TET1: variants seen among roughly 807,000 people sequenced by gnomAD.
TET1 encodes the protein tet methylcytosine dioxygenase 1.
A neutral mutation model predicts 148.7 loss-of-function variants in TET1; 13 were observed. The observed-to-expected ratio is 0.09, with a 90% CI of 0.06 to 0.14. The LOEUF (loss-of-function observed/expected upper bound fraction) is 0.14. Ranked by LOEUF, TET1 falls within the 10% of genes least tolerant of loss-of-function variation. The pLI, the probability that TET1 is intolerant of heterozygous loss-of-function variation, is 1.00. For missense variants in TET1, 2,182 were observed against 2,553.8 expected (o/e 0.85, Z 3.14); for synonymous variants, 907 against 937.2 (o/e 0.97, Z 0.59).
rs2055616110 is a variant in TET1, at chr10:68,693,243, A to C, written c.*1429A>C. ...GCAAAACAAAAAGGATTACCCAAAC[A>C]ACATGTTTCGAACAAGGAGAATTTT... On this transcript the variant is annotated 3_prime_UTR_variant, in exon 12 of 12. Coordinates refer to ENST00000373644, the MANE Select transcript of TET1 (RefSeq NM_030625.3). 4.3e-6 allele frequency: 1 copy of C among 232,860 alleles called. No individual in the cohort carries two copies. Among genetic ancestry groups the C allele is most frequent in the African/African-American group, 2.2e-5 (1 of 45,364 alleles). 14.4% of individuals were successfully genotyped at this position (232,860 alleles called of 1,614,324 possible). A position where few individuals can be genotyped will look rare whatever the true frequency, so the allele number is the denominator to read the frequency against.
intron 3 of TET1, among the ~76,000 whole-genome samples, chr10:68,608,561 G>A (rs770526688): frequency 1.3e-5 from 2 of 152,008 alleles, no homozygotes; most frequent in Non-Finnish European, 2.9e-5. Context: ...TTGAGATGGA[G>A]TCTTGGTTTG....
At chr10:68,616,776 C>T (rs1166440736) in intron 3 of TET1, among the ~76,000 whole-genome samples, 8 of 150,598 alleles carry the variant, frequency 5.3e-5, no homozygotes, top group African/African-American at 1.7e-4. Context: ...GGCGCAATCT[C>T]GGCTCACGGC....
intron 6 of TET1, among the ~76,000 whole-genome samples, chr10:68,661,649 G>A (rs1386977163): frequency 2.0e-5 from 3 of 151,156 alleles, no homozygotes; most frequent in Non-Finnish European, 4.4e-5. Context: ...ATGCCAGCTA[G>A]TTTTCTGGGG....
chr10:68,686,984 T>C, intron 11 of TET1, among the ~76,000 whole-genome samples: 1 of 151,488 alleles, frequency 6.6e-6, no homozygotes, highest in Non-Finnish European at 1.5e-5. Context: ...GCCTCCTGGG[T>C]TCACGCCATT....
At chr10:68,668,041 AT>A (rs900256930) in intron 7 of TET1, among the ~76,000 whole-genome samples, 7 of 152,058 alleles carry the variant, frequency 4.6e-5, no homozygotes, top group Non-Finnish European at 1.0e-4. Context: ...GAATGAGAGT[AT>A]TTTTTTCACA....
At chr10:68,623,420 A>G (rs1264999513) in intron 3 of TET1, among the ~76,000 whole-genome samples, 2 of 152,200 alleles carry the variant, frequency 1.3e-5, no homozygotes, top group African/African-American at 4.8e-5. Flanking sequence ...ACAGCCTACT[A>G]CATACTGTTT....
chr10:68,626,321 A>C (rs1330299028), intron 3 of TET1, among the ~76,000 whole-genome samples: 2 of 150,788 alleles, frequency 1.3e-5, no homozygotes, highest in Non-Finnish European at 3.0e-5. Context: ...GGCTGGAGTA[A>C]GGTGGCATGA....
chr10:68,595,957 TATATAC>T (rs1228289935), intron 2 of TET1, among the ~76,000 whole-genome samples: 4,946 of 40,692 alleles, frequency 0.12, 450 homozygotes, highest in South Asian at 0.19. Flanking sequence ...TATATATATA[TATATAC>T]ACACACACAC....
At chr10:68,640,691 A>G (rs1006203230) in intron 3 of TET1, among the ~76,000 whole-genome samples, 2 of 150,078 alleles carry the variant, frequency 1.3e-5, no homozygotes, top group African/African-American at 4.9e-5. Flanking sequence ...AGCTGGGACT[A>G]CAGGCGCCTG....
intron 2 of TET1, among the ~76,000 whole-genome samples, chr10:68,593,359 G>T (rs2053940952): frequency 1.3e-5 from 2 of 151,652 alleles, no homozygotes; most frequent in African/African-American, 4.8e-5. Context: ...AACATTTTTG[G>T]ACCTGGGTTC....
At chr10:68,660,612 G>A (rs1746927820) in intron 6 of TET1, among the ~76,000 whole-genome samples, 1 of 151,012 alleles carries the variant, frequency 6.6e-6, no homozygotes, top group African/African-American at 2.4e-5. Flanking sequence ...AAAGTGCTGG[G>A]ATTACAGGTG....
At chr10:68,644,187 G>A (rs2054804306) in intron 3 of TET1, among the ~76,000 whole-genome samples, 1 of 150,906 alleles carries the variant, frequency 6.6e-6, no homozygotes, top group South Asian at 2.1e-4. Context: ...ACAGGCATGA[G>A]CCACCACCCC....
At chr10:68,614,990 C>T (rs538743660) in intron 3 of TET1, among the ~76,000 whole-genome samples, 62 of 151,636 alleles carry the variant, frequency 4.1e-4, no homozygotes, top group African/African-American at 1.3e-3. Context: ...GGCACTCCAA[C>T]GTGGTGTGAT....
At chr10:68,683,920 C>T (rs560290418) in intron 10 of TET1, among the ~76,000 whole-genome samples, 5 of 152,232 alleles carry the variant, frequency 3.3e-5, no homozygotes, top group South Asian at 2.1e-4. Context: ...TTAAGAAATA[C>T]GTAAATTAGG....
At chr10:68,600,912 AT>A in intron 2 of TET1, 68 bp from the exon 3 acceptor site, 1 of 1,423,998 alleles carries the variant, frequency 7.0e-7, no homozygotes, top group Admixed American at 2.0e-5. Flanking sequence ...ATAGCCAAAA[AT>A]TTTGGGGATG....
chr10:68,622,958 G>C (rs2054398609), intron 3 of TET1, among the ~76,000 whole-genome samples: 1 of 152,092 alleles, frequency 6.6e-6, no homozygotes, highest in Admixed American at 6.6e-5. Context: ...CAGGAGTCAG[G>C]TGCCCTGCTG....
At chr10:68,624,889 G>A (rs1288994933) in intron 3 of TET1, among the ~76,000 whole-genome samples, 4 of 151,022 alleles carry the variant, frequency 2.6e-5, no homozygotes, top group South Asian at 2.1e-4. Context: ...CCGCCATCAC[G>A]CCCAGCTAAT....
At chr10:68,664,294 G>A (rs560310277) in intron 6 of TET1, among the ~76,000 whole-genome samples, 16 of 151,830 alleles carry the variant, frequency 1.1e-4, no homozygotes, top group East Asian at 3.9e-4. Context: ...ATGTTGTGTC[G>A]TATATATTAT....
chr10:68,611,067 G>T (rs12261197), intron 3 of TET1, among the ~76,000 whole-genome samples: 3 of 152,258 alleles, frequency 2.0e-5, no homozygotes, highest in East Asian at 1.9e-4. Context: ...GGCCGAAGGT[G>T]GTGGGTCACA....
Sources: gnomAD v4.1 joint callset for allele counts (sites outside exome capture counted in the v4.1 genomes callset) on GRCh38, gnomAD v4.1.1 for gene constraint, MANE v1.5 for transcripts, NCBI Gene and HGNC (gene_info 2026-07-23, HGNC 2026-07-21) for gene names.